Variants in PIWIL1 observed in about 807,000 individuals in gnomAD.
PIWIL1 encodes the protein piwi like RNA-mediated gene silencing 1.
In PIWIL1, 73 loss-of-function variants were observed where a neutral mutation model predicts 114.4. That is an observed-to-expected ratio of 0.64 (90% CI 0.53 to 0.78). The LOEUF (loss-of-function observed/expected upper bound fraction) is 0.78, where lower values mean the gene tolerates loss of function less well. Ranked by LOEUF, PIWIL1 falls within the 30% of genes least tolerant of loss-of-function variation. The pLI is 0.00. For synonymous variants in PIWIL1, 375 were observed against 369.0 expected (o/e 1.02, Z -0.19); for missense variants, 723 against 1,063.1 (o/e 0.68, Z 4.45).
intron 14 of PIWIL1, among the ~76,000 whole-genome samples, chr12:130,360,707 A>G (rs545092935): frequency 6.6e-6 from 1 of 152,332 alleles, no homozygotes; most frequent in East Asian, 1.9e-4. Flanking sequence ...TGTTGAGATC[A>G]GGCGCTCTGT....
intron 3 of PIWIL1, among the ~76,000 whole-genome samples, chr12:130,343,701 C>T (rs2072992927): frequency 6.8e-6 from 1 of 148,084 alleles, no homozygotes; most frequent in South Asian, 2.1e-4. Context: ...TCTCTGCTCA[C>T]TGCAGACTCC....
At chr12:130,412,621 A>G in the PIWIL1 span, 8 of 1,613,252 alleles carry the variant, frequency 5.0e-6, no homozygotes, top group African/African-American at 2.7e-5. Flanking sequence ...GCGCTTACCT[A>G]TTTTCTCCAC....
the PIWIL1 span, among the ~76,000 whole-genome samples, chr12:130,382,686 G>C: frequency 6.6e-6 from 1 of 152,176 alleles, no homozygotes; most frequent in Admixed American, 6.5e-5. Flanking sequence ...AATTTCTGTA[G>C]TGCTGAGGCT....
At chr12:130,408,784 C>G in the PIWIL1 span, among the ~76,000 whole-genome samples, 320 of 152,316 alleles carry the variant, frequency 2.1e-3, no homozygotes, top group Middle Eastern at 0.01. Context: ...TTGGGGAATT[C>G]CAAACATACA....
the PIWIL1 span, among the ~76,000 whole-genome samples, chr12:130,418,599 C>T: frequency 6.6e-6 from 1 of 152,154 alleles, no homozygotes; most frequent in Admixed American, 6.5e-5. Flanking sequence ...CACCATTTTC[C>T]AAGCAAGTTC....
the PIWIL1 span, among the ~76,000 whole-genome samples, chr12:130,411,848 G>GTGAT: frequency 0.46 from 69,771 of 151,716 alleles, 16,317 homozygotes; most frequent in African/African-American, 0.55. Flanking sequence ...TTTTGATTTT[G>GTGAT]TGATTATCCT....
chr12:130,341,713 T>C (rs1484605863), intron 1 of PIWIL1, among the ~76,000 whole-genome samples: 1 of 152,222 alleles, frequency 6.6e-6, no homozygotes, highest in Non-Finnish European at 1.5e-5. Context: ...TGTTTTCTCA[T>C]GTTGTCTAAA....
the PIWIL1 span, among the ~76,000 whole-genome samples, chr12:130,404,222 C>G: frequency 0.08 from 12,118 of 152,134 alleles, 691 homozygotes; most frequent in South Asian, 0.2. Flanking sequence ...ACACACTTTT[C>G]CAACATGTTT....
At chr12:130,422,589 A>T in the PIWIL1 span, 2 of 1,504,278 alleles carry the variant, frequency 1.3e-6, no homozygotes, top group East Asian at 4.6e-5. This position sits in a 1 kb window ranked among gnomAD's most constrained non-coding sequence, Gnocchi z 5.2. Context: ...ACAAAGTCGT[A>T]AGTCTCGCCA....
At chr12:130,398,610 A>T in the PIWIL1 span, 1 of 152,756 alleles carries the variant, frequency 6.5e-6, no homozygotes, top group Non-Finnish European at 1.5e-5. Context: ...CTCGTAAGGT[A>T]GAGGCAGGGT....
chr12:130,357,122 AT>A lies in PIWIL1; in HGVS notation c.1592+20del, dbSNP rs756954419. 6.3e-7 allele frequency: 1 copy of A among 1,590,016 alleles called. No homozygotes were observed. Among genetic ancestry groups the A allele is most frequent in the East Asian group, 2.3e-5 (1 of 44,430 alleles). Reference sequence around the variant, plus strand: ...AGCAATAATGTAAGTTAATCAAGTCATTTCTGCTCTGAAAATTGCTTGGCAG... The same window carrying A: ...AGCAATAATGTAAGTTAATCAAGTCATTCTGCTCTGAAAATTGCTTGGCAG... On this transcript the variant is annotated intron_variant, in intron 13 of 20. Coordinates refer to ENST00000245255, the MANE Select transcript of PIWIL1 (RefSeq NM_004764.5).
chr12:130,380,232 A>G, the PIWIL1 span, among the ~76,000 whole-genome samples: 151 of 126,930 alleles, frequency 1.2e-3, no homozygotes, highest in African/African-American at 4.4e-3. Context: ...CCTCATCCCA[A>G]TTCCCATCCA....
chr12:130,366,121 C>T (rs2073649110), intron 18 of PIWIL1, among the ~76,000 whole-genome samples: 1 of 152,138 alleles, frequency 6.6e-6, no homozygotes, highest in Admixed American at 6.5e-5. Flanking sequence ...GTGTATCTGT[C>T]CTCTTAAGGA....
At chr12:130,340,083 A>G (rs2072862608) in intron 1 of PIWIL1, among the ~76,000 whole-genome samples, 1 of 152,144 alleles carries the variant, frequency 6.6e-6, no homozygotes. Context: ...ACCATGTAGT[A>G]GGGTGACCGT....
intron 14 of PIWIL1, 81 bp from the exon 15 acceptor site, chr12:130,361,099 G>A: frequency 2.6e-6 from 3 of 1,161,656 alleles, no homozygotes; most frequent in Non-Finnish European, 1.3e-6. Flanking sequence ...TACTTCACAG[G>A]TGAGTTTAGT....
the PIWIL1 span, among the ~76,000 whole-genome samples, chr12:130,422,282 C>G: frequency 6.6e-6 from 1 of 152,240 alleles, no homozygotes; most frequent in Non-Finnish European, 1.5e-5. This position sits in a 1 kb window ranked among gnomAD's most constrained non-coding sequence, Gnocchi z 5.2. Flanking sequence ...AGAATACTTA[C>G]AAATAGCTTT....
chr12:130,385,652 A>G, the PIWIL1 span, among the ~76,000 whole-genome samples: 1 of 152,204 alleles, frequency 6.6e-6, no homozygotes, highest in Non-Finnish European at 1.5e-5. Context: ...TTCAGAGATG[A>G]TAAGAACTTA....
At position 130,338,193 on chromosome 12, in the gene PIWIL1, G is replaced by A. The variant is rs1188152146; in HGVS notation, c.-13+47G>A. ...CTAGGTGTGCGGGGGCCGGGATGCG[G>A]GGGCGGCGGCTGGGGGTCCGGGATG... On this transcript the variant is annotated intron_variant, in intron 1 of 20. Transcript: ENST00000245255. The A allele has an allele frequency of 9.1e-6, 3 of 328,218 alleles. No homozygotes were observed. The Admixed American group carries it at 1.4e-4, about 15-fold the overall frequency. The allele number at this position is 328,218 out of a possible 1,614,324, so 20.3% of individuals were successfully genotyped here.
At chr12:130,362,633 A>G in intron 16 of PIWIL1, 133 bp from the exon 17 acceptor site, 1 of 698,666 alleles carries the variant, frequency 1.4e-6, no homozygotes, top group East Asian at 2.7e-5. Context: ...GTATTTGGAG[A>G]TGTTAACAGA....
Sources: gnomAD v4.1 joint callset for allele counts (sites outside exome capture counted in the v4.1 genomes callset) on GRCh38, gnomAD v4.1.1 for gene constraint, Gnocchi (gnomAD v3.1) non-coding constraint, MANE v1.5 for transcripts, NCBI Gene and HGNC (gene_info 2026-07-23, HGNC 2026-07-21) for gene names.